Variants in ARL13B observed in about 807,000 individuals in gnomAD.
ARL13B encodes ADP-ribosylation factor-like protein 13B.
Under a neutral mutation model 56.1 loss-of-function variants are expected in ARL13B, and 36 were observed. The ratio of observed to expected loss-of-function variants is 0.64; its 90% confidence interval spans 0.49 to 0.85. ARL13B has a LOEUF of 0.85. ARL13B is among the 40% of genes least tolerant of loss of function. The pLI is 0.00. For missense variants in ARL13B, 519 were observed against 507.1 expected (o/e 1.02, Z -0.23); for synonymous variants, 178 against 171.1 (o/e 1.04, Z -0.32).
chr3:94,052,707 G>C (rs1387824102), intron 9 of ARL13B, among the ~76,000 whole-genome samples: 1 of 152,054 alleles, frequency 6.6e-6, no homozygotes, highest in Non-Finnish European at 1.5e-5. Flanking sequence ...AACTTTTAAA[G>C]AAATGCTTTT....
At position 94,045,962 on chromosome 3, in the gene ARL13B, A is replaced by G. The variant is rs183449491; in HGVS notation, c.1024+2722A>G. Among the ~76,000 whole-genome samples, 578 of 146,622 alleles carry G rather than the reference A, an allele frequency of 3.9e-3. 31 individuals are homozygous for G. In the East Asian group the frequency reaches 0.11, roughly 27 times the overall value. ...CAAGACTCCATCACAAAAAAAAAAA[A>G]AAAAAGAAAAAAAAAAGACATACTA... On this transcript the variant is annotated intron_variant, in intron 7 of 9. Coordinates refer to ENST00000394222, the MANE Select transcript of ARL13B (RefSeq NM_001174150.2).
chr3:94,028,853 T>C (rs187011896), intron 3 of ARL13B, among the ~76,000 whole-genome samples: 2 of 152,264 alleles, frequency 1.3e-5, no homozygotes, highest in East Asian at 3.9e-4. Context: ...AAATATGGAA[T>C]TAAATAGGAA....
At chr3:94,002,676 A>G (rs35937148) in intron 2 of ARL13B, among the ~76,000 whole-genome samples, 12,437 of 152,204 alleles carry the variant, frequency 0.082, 631 homozygotes, top group Middle Eastern at 0.19. Flanking sequence ...AGAGGCTATT[A>G]CTGTCACTTC....
Position 94,024,522 on chromosome 3 carries a change from A to C in ARL13B, c.381-10809A>C, listed in dbSNP as rs564815216. 4.6e-5 allele frequency among the ~76,000 whole-genome samples: 7 copies of C among 152,312 alleles called. No individual in the cohort carries two copies. In the South Asian group the frequency reaches 1.2e-3, roughly 27 times the overall value. On this transcript the variant is annotated intron_variant, in intron 3 of 9. Transcript: ENST00000394222. ...TCTTTGGTTGCATGGTTTGGAACAA[A>C]TCCTGAAACAACTCCCTCTAATGTT...
chr3:94,045,857 A>G (rs1366706197), intron 7 of ARL13B, among the ~76,000 whole-genome samples: 3 of 149,488 alleles, frequency 2.0e-5, no homozygotes, highest in African/African-American at 7.4e-5. Context: ...AGGCTGAGGC[A>G]GGAAAATGGC....
chr3:94,046,798 T>C (rs2107180354), intron 7 of ARL13B, among the ~76,000 whole-genome samples: 1 of 152,308 alleles, frequency 6.6e-6, no homozygotes, highest in Middle Eastern at 3.4e-3. Flanking sequence ...ATTTTTAAAA[T>C]GTCTTGTCAA....
chr3:94,007,194 CT>C (rs929964418), intron 3 of ARL13B, among the ~76,000 whole-genome samples: 2 of 152,144 alleles, frequency 1.3e-5, no homozygotes, highest in African/African-American at 4.8e-5. Context: ...AACAAGACCT[CT>C]GAAAAGCTTC....
chr3:94,027,016 A>G (rs2076571741), intron 3 of ARL13B, among the ~76,000 whole-genome samples: 1 of 152,112 alleles, frequency 6.6e-6, no homozygotes, highest in South Asian at 2.1e-4. Context: ...AGTAAAAATT[A>G]CCTTGTACTT....
chr3:94,022,173 G>T (rs2107009768), intron 3 of ARL13B, among the ~76,000 whole-genome samples: 1 of 152,008 alleles, frequency 6.6e-6, no homozygotes, highest in East Asian at 1.9e-4. Flanking sequence ...ACCCAGGCTG[G>T]AGTGCAATGG....
chr3:94,047,541 A>G (rs547966317), intron 7 of ARL13B, among the ~76,000 whole-genome samples: 4 of 152,342 alleles, frequency 2.6e-5, no homozygotes, highest in South Asian at 2.1e-4. Context: ...ATGCCTTTGT[A>G]TGCACTATAT....
At chr3:94,026,988 C>A (rs1576008568) in intron 3 of ARL13B, among the ~76,000 whole-genome samples, 1 of 151,936 alleles carries the variant, frequency 6.6e-6, no homozygotes, top group Admixed American at 6.6e-5. Context: ...ACTGAAAATC[C>A]CTAGAAACAG....
rs1417163738 is a variant in ARL13B at position 93,980,223 on chromosome 3, G to C, written c.-201G>C. On this transcript the variant is annotated 5_prime_UTR_variant, in exon 1 of 10. Transcript: ENST00000394222. ...TGCGTCTTTGGTCAGGTTGTTCCTT[G>C]GCTAAGAGGGCAGTCGTCGCGGACC... The C allele has an allele frequency of 2.8e-6, 2 of 719,498 alleles. No individual in the cohort carries two copies. Among genetic ancestry groups the C allele is most frequent in the Non-Finnish European group, 2.5e-6 (1 of 402,564 alleles). The allele number at this position is 719,498 out of a possible 1,614,324, so 44.6% of individuals were successfully genotyped here. A position where few individuals can be genotyped will look rare whatever the true frequency, so the allele number is the denominator to read the frequency against.
intron 7 of ARL13B, among the ~76,000 whole-genome samples, chr3:94,047,487 T>C (rs931116315): frequency 2.6e-5 from 4 of 152,232 alleles, no homozygotes; most frequent in Non-Finnish European, 5.9e-5. Flanking sequence ...TAGTAAATCA[T>C]GTAACTATAA....
chr3:94,004,404 T>C (rs138426783), intron 3 of ARL13B, among the ~76,000 whole-genome samples: 253 of 152,288 alleles, frequency 1.7e-3, no homozygotes, highest in Middle Eastern at 6.8e-3. Context: ...TACACTTATA[T>C]GATTTCGTCC....
chr3:94,042,442 T>C (rs2076879636), intron 6 of ARL13B, among the ~76,000 whole-genome samples: 1 of 152,224 alleles, frequency 6.6e-6, no homozygotes, highest in Non-Finnish European at 1.5e-5. Flanking sequence ...GATACAGAAT[T>C]GGTATGCTAT....
chr3:94,003,421 T>C (rs2076084995), intron 2 of ARL13B, among the ~76,000 whole-genome samples: 1 of 152,192 alleles, frequency 6.6e-6, no homozygotes, highest in South Asian at 2.1e-4. Context: ...ACTTACTAAG[T>C]ACCTATTATA....
intron 1 of ARL13B, among the ~76,000 whole-genome samples, chr3:93,981,546 G>A (rs1041555048): frequency 3.3e-5 from 5 of 152,052 alleles, no homozygotes; most frequent in African/African-American, 1.2e-4. Context: ...GCTCCTAACT[G>A]AATTTGAATG....
chr3:94,022,826 A>G lies in ARL13B; in HGVS notation c.381-12505A>G, dbSNP rs560938075. Among the ~76,000 whole-genome samples, 219 of 152,230 alleles carry G rather than the reference A, an allele frequency of 1.4e-3. 1 individual carries two copies. The highest frequency in any genetic ancestry group is 2.5e-3 in the Non-Finnish European group (167 of 67,988). ...AACTACCACATAGATCAAGAAACAT[A>G]TAACATTTAATTTTAAGAAAATATT... is the stretch of plus-strand genomic sequence containing the variant. On this transcript the variant is annotated intron_variant, in intron 3 of 9. Coordinates refer to ENST00000394222, the MANE Select transcript of ARL13B (RefSeq NM_001174150.2).
At chr3:93,982,571 T>C (rs1287638191) in intron 1 of ARL13B, among the ~76,000 whole-genome samples, 1 of 152,240 alleles carries the variant, frequency 6.6e-6, no homozygotes, top group East Asian at 1.9e-4. Flanking sequence ...TTAACTTTTT[T>C]TTACTTTTTA....
Sources: gnomAD v4.1 joint callset for allele counts (sites outside exome capture counted in the v4.1 genomes callset) on GRCh38, gnomAD v4.1.1 for gene constraint, MANE v1.5 for transcripts, NCBI Gene and HGNC (gene_info 2026-07-23, HGNC 2026-07-21) for gene names.